Variants in NPEPPS observed in about 807,000 individuals in gnomAD.
NPEPPS encodes the protein puromycin-sensitive aminopeptidase.
NPEPPS carries 14 observed loss-of-function variants against 115.5 expected under a neutral mutation model. That is an observed-to-expected ratio of 0.12 (90% CI 0.08 to 0.19). NPEPPS has a LOEUF of 0.19. NPEPPS is among the 10% of genes least tolerant of loss of function. NPEPPS has a pLI of 1.00. For missense variants in NPEPPS, 523 were observed against 1,110.8 expected (o/e 0.47, Z 7.52); for synonymous variants, 285 against 390.6 (o/e 0.73, Z 3.19).
In NPEPPS at chr17:47,601,660, C is replaced by T; in HGVS notation, c.1653C>T (p.Asp551=). Residue 551 remains aspartate, a synonymous_variant, in exon 15 of 23, where the codon GAC becomes GAT. Coordinates refer to ENST00000322157, the MANE Select transcript of NPEPPS (RefSeq NM_006310.4). The part of the protein sequence containing the change: ...MVPITISTSE[D]PNQAKLKILM... ...CTATCACAATCTCTACTAGTGAAGA[C>T]CCCAACCAGGCCAAACTAAAAATTC... is the stretch of plus-strand genomic sequence containing the variant. 2.5e-6 allele frequency: 4 copies of T among 1,612,218 alleles called. No homozygotes were observed. Among genetic ancestry groups the T allele is most frequent in the Non-Finnish European group, 3.4e-6 (4 of 1,179,400 alleles).
chr17:47,617,033 C>T (rs986193550), intron 19 of NPEPPS, among the ~76,000 whole-genome samples: 1 of 151,900 alleles, frequency 6.6e-6, no homozygotes, highest in African/African-American at 2.4e-5. Flanking sequence ...AGAATTACAA[C>T]ATTTTGTTTC....
chr17:47,536,849 T>C (rs1462205866), intron 1 of NPEPPS, among the ~76,000 whole-genome samples: 1 of 151,732 alleles, frequency 6.6e-6, no homozygotes, highest in Admixed American at 6.6e-5. Flanking sequence ...GTAGCTGGGA[T>C]TACAGGCGCG....
At chr17:47,532,658 CAAAAAA>C (rs898672269) in intron 1 of NPEPPS, among the ~76,000 whole-genome samples, 6 of 51,434 alleles carry the variant, frequency 1.2e-4, no homozygotes, top group Non-Finnish European at 1.5e-4. Context: ...GACTCCGTCT[CAAAAAA>C]AAAAAAAAAA....
At chr17:47,568,843 C>CG (rs1332748804) in intron 2 of NPEPPS, among the ~76,000 whole-genome samples, 1 of 151,102 alleles carries the variant, frequency 6.6e-6, no homozygotes, top group African/African-American at 2.4e-5. Context: ...TTAGTAGAGA[C>CG]GGGGTTTCTC....
At chr17:47,563,537 A>G (rs1339008615) in intron 2 of NPEPPS, among the ~76,000 whole-genome samples, 1 of 152,190 alleles carries the variant, frequency 6.6e-6, no homozygotes. Flanking sequence ...AGTTGGATCA[A>G]TAAAGAACTG....
intron 1 of NPEPPS, among the ~76,000 whole-genome samples, chr17:47,537,396 T>TA (rs1908378404): frequency 1.3e-5 from 2 of 152,154 alleles, no homozygotes; most frequent in East Asian, 1.9e-4. Flanking sequence ...TTAGACATTT[T>TA]TAAAAAAGTT....
At chr17:47,620,333 A>T in intron 22 of NPEPPS, 1 of 152,338 alleles carries the variant, frequency 6.6e-6, no homozygotes, top group Admixed American at 6.5e-5. Context: ...CAATGTGGAT[A>T]ATAGTTTGGA....
At chr17:47,602,352 T>C (rs901019747) in intron 15 of NPEPPS, among the ~76,000 whole-genome samples, 1 of 152,084 alleles carries the variant, frequency 6.6e-6, no homozygotes, top group African/African-American at 2.4e-5. Context: ...CGCCGAACGC[T>C]GTGGTAGCAC....
At chr17:47,547,681 T>G (rs1597823658) in intron 2 of NPEPPS, among the ~76,000 whole-genome samples, 1 of 152,248 alleles carries the variant, frequency 6.6e-6, no homozygotes, top group East Asian at 1.9e-4. Flanking sequence ...TGATTTCACC[T>G]AGACATTCCT....
intron 2 of NPEPPS, among the ~76,000 whole-genome samples, chr17:47,549,554 C>T (rs886595341): frequency 5.9e-5 from 9 of 151,736 alleles, no homozygotes; most frequent in Non-Finnish European, 1.2e-4. Context: ...GCTAGGTGGG[C>T]GGATCACCTG....
chr17:47,541,742 T>C (rs1480023996), intron 1 of NPEPPS, among the ~76,000 whole-genome samples: 2 of 152,206 alleles, frequency 1.3e-5, no homozygotes, highest in Admixed American at 1.3e-4. Context: ...TGTTCAACTT[T>C]AGTGCTATAA....
intron 17 of NPEPPS, among the ~76,000 whole-genome samples, chr17:47,611,277 T>C (rs1913856310): frequency 6.6e-6 from 1 of 151,504 alleles, no homozygotes; most frequent in Admixed American, 6.6e-5. Flanking sequence ...CTGGCCAACA[T>C]GGCAAAACCC....
chr17:47,545,191 C>T (rs575296073), intron 1 of NPEPPS, among the ~76,000 whole-genome samples: 1 of 152,094 alleles, frequency 6.6e-6, no homozygotes, highest in African/African-American at 2.4e-5. Flanking sequence ...TTTTTTTTGT[C>T]TCACTGTGTT....
chr17:47,592,824 A>T (rs753686447), intron 12 of NPEPPS: 2 of 314,782 alleles, frequency 6.4e-6, no homozygotes, highest in East Asian at 7.1e-5. Flanking sequence ...GTCAGTATAC[A>T]TGTGCGGGCC....
chr17:47,563,052 G>C (rs1910545159), intron 2 of NPEPPS, among the ~76,000 whole-genome samples: 2 of 147,926 alleles, frequency 1.4e-5, no homozygotes, highest in Admixed American at 1.4e-4. Flanking sequence ...TTTTTTTTGA[G>C]ATGGAGTCTC....
In NPEPPS at chr17:47,581,589, C is replaced by G. The variant is rs534167223; in HGVS notation, c.541-1153C>G. ...TGCCATTTCTTTCCTTATACTCTCC[C>G]TTCTTTTCAGATGTCTTTTTTATTC... On this transcript the variant is annotated intron_variant, in intron 4 of 22. Transcript: ENST00000322157. The G allele has an allele frequency of 2.0e-5, 3 of 152,242 alleles. No individual in the cohort carries two copies. In the South Asian group the frequency reaches 6.2e-4, roughly 32 times the overall value. 9.4% of individuals were successfully genotyped at this position (152,242 alleles called of 1,614,324 possible).
At chr17:47,552,079 A>G (rs1391370401) in intron 2 of NPEPPS, among the ~76,000 whole-genome samples, 1 of 128,568 alleles carries the variant, frequency 7.8e-6, no homozygotes, top group East Asian at 2.5e-4. Context: ...TTACTCTCCC[A>G]CCACAGCCTC....
upstream of NPEPPS, among the ~76,000 whole-genome samples, chr17:47,527,571 A>C (rs1907485787): frequency 6.6e-6 from 1 of 151,460 alleles, no homozygotes; most frequent in Non-Finnish European, 1.5e-5. Context: ...AATTATTATT[A>C]TATGGGCTGG....
chr17:47,555,040 A>T (rs1909907035), intron 2 of NPEPPS, among the ~76,000 whole-genome samples: 1 of 152,178 alleles, frequency 6.6e-6, no homozygotes, highest in South Asian at 2.1e-4. Flanking sequence ...GAAACTGTGG[A>T]AAGTGAAACT....
Sources: allele counts gnomAD v4.1 joint callset (sites outside exome capture counted in the v4.1 genomes callset), GRCh38; gene constraint gnomAD v4.1.1; transcripts MANE v1.5; gene names NCBI Gene and HGNC (gene_info 2026-07-23, HGNC 2026-07-21).